AXIN2: variants seen among roughly 807,000 people sequenced by gnomAD.
The protein encoded by AXIN2 is axin 2.
In AXIN2, 21 loss-of-function variants were observed where a neutral mutation model predicts 74.7. That is an observed-to-expected ratio of 0.28 (90% CI 0.20 to 0.40). The LOEUF (loss-of-function observed/expected upper bound fraction) is 0.40. Among genes scored for constraint, AXIN2 ranks in the 10% least tolerant of loss-of-function variants. The pLI, the probability that AXIN2 is intolerant of heterozygous loss-of-function variation, is 1.00. For synonymous variants in AXIN2, 532 were observed against 454.9 expected (o/e 1.17, Z -2.16); for missense variants, 1,144 against 1,111.1 (o/e 1.03, Z -0.42).
In AXIN2 at chr17:65,528,870, T is replaced by C. The variant is rs2043770738; in HGVS notation, c.*1106A>G. On this transcript the variant is annotated 3_prime_UTR_variant, in exon 11 of 11. Coordinates refer to ENST00000307078, the MANE Select transcript of AXIN2 (RefSeq NM_004655.4). ...AAGTCAAGCACTAGAGATAGTGGAT[T>C]AATACTCTTTTGCCGTACACTATAT... 2.5e-6 allele frequency: 1 copy of C among 401,972 alleles called. No homozygotes were observed. The highest frequency in any genetic ancestry group is 4.6e-6 in the Non-Finnish European group (1 of 217,816). 24.9% of individuals were successfully genotyped at this position (401,972 alleles called of 1,614,324 possible).
intron 2 of AXIN2, among the ~76,000 whole-genome samples, chr17:65,552,134 C>T (rs1210739744): frequency 1.3e-5 from 2 of 152,104 alleles, no homozygotes; most frequent in African/African-American, 4.8e-5. Context: ...ACACCAAGGG[C>T]AGAGAGGAGT....
chr17:65,545,846 C>A (rs2044110501), intron 3 of AXIN2, among the ~76,000 whole-genome samples: 1 of 152,192 alleles, frequency 6.6e-6, no homozygotes, highest in Non-Finnish European at 1.5e-5. Flanking sequence ...TCTGCACACT[C>A]AGGCCCCGGC....
chr17:65,544,231 G>A (rs1005879423), intron 3 of AXIN2, among the ~76,000 whole-genome samples: 2 of 151,658 alleles, frequency 1.3e-5, no homozygotes, highest in Non-Finnish European at 2.9e-5. Context: ...CAGTGGTAGA[G>A]CTTTTATGCC....
intron 4 of AXIN2, among the ~76,000 whole-genome samples, chr17:65,540,033 G>A (rs368296139): frequency 1.3e-5 from 2 of 152,160 alleles, no homozygotes; most frequent in Admixed American, 6.5e-5. Flanking sequence ...TAAACACTTC[G>A]TTCATTCCGC....
At chr17:65,530,821 G>C (rs1011019672) in intron 10 of AXIN2, among the ~76,000 whole-genome samples, 1 of 152,288 alleles carries the variant, frequency 6.6e-6, no homozygotes, top group South Asian at 2.1e-4. Flanking sequence ...AAACACCAAA[G>C]GCCCTTCTAT....
intron 3 of AXIN2, among the ~76,000 whole-genome samples, chr17:65,542,740 T>C (rs1436574107): frequency 6.6e-6 from 1 of 152,262 alleles, no homozygotes; most frequent in Non-Finnish European, 1.5e-5. Flanking sequence ...TTCCCATTGA[T>C]GTCCCTTCAG....
chr17:65,560,746 G>A (rs2044355795), intron 1 of AXIN2: 2 of 151,758 alleles, frequency 1.3e-5, no homozygotes, highest in Non-Finnish European at 2.9e-5. Context: ...CCCCGAAATA[G>A]CCGGCCTGCC....
intron 10 of AXIN2, among the ~76,000 whole-genome samples, chr17:65,530,418 C>CCCG (rs1162603403): frequency 2.0e-5 from 3 of 152,216 alleles, no homozygotes; most frequent in Admixed American, 2.0e-4. Context: ...CTGCTTTCCC[C>CCCG]CCGCCAACCT....
In AXIN2 at chr17:65,529,824, C is replaced by T. The variant is rs2043786093; in HGVS notation, c.*152G>A. On this transcript the variant is annotated 3_prime_UTR_variant, in exon 11 of 11. Transcript: ENST00000307078. Reference sequence around the variant, plus strand: ...TCATGAAAATCAACCTCCCCCCGCCCTCCCGAAGGCCCACTGGCCGATTCT... The same window carrying T: ...TCATGAAAATCAACCTCCCCCCGCCTTCCCGAAGGCCCACTGGCCGATTCT... The T allele has an allele frequency of 1.5e-6, 2 of 1,291,070 alleles. No individual in the cohort carries two copies. Among genetic ancestry groups the T allele is most frequent in the Non-Finnish European group, 1.1e-6 (1 of 916,322 alleles). The allele number at this position is 1,291,070 out of a possible 1,614,324, so 80.0% of individuals were successfully genotyped here.
chr17:65,538,458 A>G, intron 4 of AXIN2, 115 bp from the exon 5 acceptor site: 3 of 1,415,726 alleles, frequency 2.1e-6, no homozygotes, highest in Non-Finnish European at 2.9e-6. Context: ...GTTCGGGTGT[A>G]GAGTGGATGG....
At position 65,549,587 on chromosome 17, in the gene AXIN2, C is replaced by T. The variant is rs751143605; in HGVS notation, c.889G>A (p.Ala297Thr). Residue 297 changes from alanine to threonine, a missense_variant, in exon 3 of 11, where the codon GCC becomes ACC. Physicochemically the swap from Ala to Thr is moderately conservative, Grantham distance 58. Coordinates refer to ENST00000307078, the MANE Select transcript of AXIN2 (RefSeq NM_004655.4). ...TCACTGGATATCTCACTGTCGTTGG[C>T]GCTGGTGGCTGGTGCAAAGACATAG... ...SGYVFAPATS[A>T]NDSEISSDAL... 21 of 1,607,932 alleles carry T rather than the reference C, an allele frequency of 1.3e-5. No individual in the cohort carries two copies. The highest frequency in any genetic ancestry group is 2.7e-5 in the African/African-American group (2 of 74,934).
chr17:65,558,982 G>A (rs1414394589), intron 1 of AXIN2, among the ~76,000 whole-genome samples: 1 of 152,094 alleles, frequency 6.6e-6, no homozygotes, highest in Non-Finnish European at 1.5e-5. Flanking sequence ...TGGGAAAGAG[G>A]CGGGGAAGGT....
In AXIN2 at chr17:65,529,961, G is replaced by C; in HGVS notation, c.*15C>G. The C allele has an allele frequency of 6.2e-7, 1 of 1,614,094 alleles. No homozygotes were observed. Among genetic ancestry groups the C allele is most frequent in the African/African-American group, 1.3e-5 (1 of 75,030 alleles). ...CTTCGGGCTCCAACAGTTCACCAAA[G>C]CCAGACCCCAGGGCTCAATCGATCC... On this transcript the variant is annotated 3_prime_UTR_variant, in exon 11 of 11. Coordinates refer to ENST00000307078, the MANE Select transcript of AXIN2 (RefSeq NM_004655.4).
chr17:65,534,641 C>T (rs1011174170), intron 9 of AXIN2, among the ~76,000 whole-genome samples: 1 of 152,196 alleles, frequency 6.6e-6, no homozygotes, highest in Non-Finnish European at 1.5e-5. Flanking sequence ...GAAAAAAAGG[C>T]TGCTAGGCCG....
At chr17:65,560,022 C>G (rs2044339343) in intron 1 of AXIN2, 1 of 152,298 alleles carries the variant, frequency 6.6e-6, no homozygotes, top group East Asian at 1.9e-4. Flanking sequence ...GTCCCCCGGC[C>G]CAAATGCAAC....
intron 3 of AXIN2, among the ~76,000 whole-genome samples, chr17:65,542,767 A>C (rs1299304039): frequency 1.3e-5 from 2 of 152,234 alleles, no homozygotes; most frequent in East Asian, 3.8e-4. Context: ...ACTTATTTAC[A>C]AAAGCCTCAG....
chr17:65,547,710 A>G (rs2044136707), intron 3 of AXIN2, among the ~76,000 whole-genome samples: 1 of 152,176 alleles, frequency 6.6e-6, no homozygotes, highest in Non-Finnish European at 1.5e-5. Flanking sequence ...ATCAATTTCA[A>G]CTTACTCTTA....
At chr17:65,541,302 G>A (rs1346013492) in intron 4 of AXIN2, among the ~76,000 whole-genome samples, 153 bp downstream of exon 4, 4 of 152,110 alleles carry the variant, frequency 2.6e-5, no homozygotes, top group Non-Finnish European at 4.4e-5. Context: ...AATGCCTATT[G>A]TCCAGTTCTT....
chr17:65,534,966 G>T (rs994597503), intron 9 of AXIN2, among the ~76,000 whole-genome samples: 4 of 152,148 alleles, frequency 2.6e-5, no homozygotes, highest in Non-Finnish European at 5.9e-5. Flanking sequence ...CAGACCCAGA[G>T]AGCTGGTACA....
Sources: gnomAD v4.1 joint callset for allele counts (sites outside exome capture counted in the v4.1 genomes callset) on GRCh38, gnomAD v4.1.1 for gene constraint, MANE v1.5 for transcripts, NCBI Gene and HGNC (gene_info 2026-07-23, HGNC 2026-07-21) for gene names.